The following GNG4 variants were observed in gnomAD, a reference collection of about 807,000 sequenced individuals.
GNG4 encodes the protein guanine nucleotide-binding protein G(I)/G(S)/G(O) subunit gamma-4.
GNG4 carries 4 observed loss-of-function variants against 5.8 expected under a neutral mutation model. The observed-to-expected ratio is 0.69, with a 90% CI of 0.34 to 1.57. The LOEUF is 1.57. Ranked by LOEUF, GNG4 falls within the 40% of genes most tolerant of loss-of-function variation. The pLI, the probability that GNG4 is intolerant of heterozygous loss-of-function variation, is 0.06. For synonymous variants in GNG4, 29 were observed against 32.9 expected (o/e 0.88, Z 0.41); for missense variants, 96 against 95.1 (o/e 1.01, Z -0.04).
chr1:235,631,151 G>A (rs907645221), intron 1 of GNG4, among the ~76,000 whole-genome samples: 3 of 152,016 alleles, frequency 2.0e-5, no homozygotes, highest in Non-Finnish European at 4.4e-5. Flanking sequence ...CGCCCTCCTC[G>A]GCCTCCCAAA....
chr1:235,649,629 G>A lies in GNG4; in HGVS notation c.-123+33C>T, dbSNP rs947780019. The A allele has an allele frequency of 6.6e-6, 1 of 152,160 alleles. No individual in the cohort carries two copies. The highest frequency in any genetic ancestry group is 2.4e-5 in the African/African-American group (1 of 41,438). The allele number at this position is 152,160 out of a possible 1,614,324, so 9.4% of individuals were successfully genotyped here. On this transcript the variant is annotated intron_variant, in intron 1 of 3. Coordinates refer to ENST00000391854, the MANE Select transcript of GNG4 (RefSeq NM_001098722.2). This position sits in a 1 kb window ranked among gnomAD's most constrained non-coding sequence, Gnocchi z 5.7. Reference sequence around the variant, plus strand: ...TGCACCGGGCTGGGCTCTCCCCGCGGACACCCGGGGCTCCGGCCGGGCGCC... The same window carrying A: ...TGCACCGGGCTGGGCTCTCCCCGCGAACACCCGGGGCTCCGGCCGGGCGCC...
At chr1:235,565,039 C>A (rs1362633995) in intron 3 of GNG4, among the ~76,000 whole-genome samples, 1 of 152,192 alleles carries the variant, frequency 6.6e-6, no homozygotes. Flanking sequence ...TTCTTTCCTA[C>A]CATGCCATCC....
At chr1:235,598,214 T>C (rs1688171119) in intron 1 of GNG4, among the ~76,000 whole-genome samples, 1 of 152,246 alleles carries the variant, frequency 6.6e-6, no homozygotes. Flanking sequence ...CTTAGAGTTC[T>C]GTCTTAGCTC....
intron 1 of GNG4, among the ~76,000 whole-genome samples, chr1:235,620,442 C>T (rs1688686130): frequency 6.6e-6 from 1 of 152,252 alleles, no homozygotes; most frequent in African/African-American, 2.4e-5. Flanking sequence ...GGGCTGGAGA[C>T]AGTCATATTA....
At chr1:235,625,286 A>C (rs1688787720) in intron 1 of GNG4, among the ~76,000 whole-genome samples, 1 of 152,208 alleles carries the variant, frequency 6.6e-6, no homozygotes, top group Non-Finnish European at 1.5e-5. Flanking sequence ...TTTATTTTTT[A>C]GAGCAGTTTT....
chr1:235,593,957 G>T (rs1486385319), intron 2 of GNG4, among the ~76,000 whole-genome samples: 2 of 152,182 alleles, frequency 1.3e-5, no homozygotes, highest in Non-Finnish European at 2.9e-5. Context: ...GGCGCGGGCA[G>T]CCTGCTTTTA....
chr1:235,639,647 G>A (rs538351868), intron 1 of GNG4, among the ~76,000 whole-genome samples: 1 of 152,212 alleles, frequency 6.6e-6, no homozygotes, highest in South Asian at 2.1e-4. Flanking sequence ...GGGTTCAGGC[G>A]ATTCTCCTGC....
intron 3 of GNG4, among the ~76,000 whole-genome samples, chr1:235,570,896 ATGTGTGTGTGTG>A (rs201379503): frequency 7.8e-6 from 1 of 127,640 alleles, no homozygotes. Context: ...GTATGTATAT[ATGTGTGTGTGTG>A]TATACATATA....
rs767002055 is a variant in GNG4 at position 235,642,001 on chromosome 1, A to G, written c.-123+7661T>C. On this transcript the variant is annotated intron_variant, in intron 1 of 3. Transcript: ENST00000391854. This position sits in a 1 kb window ranked among gnomAD's most constrained non-coding sequence, Gnocchi z 4.3. Reference sequence around the variant, plus strand: ...ATTCCTCCACCGTAACAGAACTTCCATGAGGGCGGGGATTTTTCGCTTCCC... The same window carrying G: ...ATTCCTCCACCGTAACAGAACTTCCGTGAGGGCGGGGATTTTTCGCTTCCC... Among the ~76,000 whole-genome samples, 3 of 152,192 alleles carry G rather than the reference A, an allele frequency of 2.0e-5. No individual in the cohort carries two copies. The highest frequency in any genetic ancestry group is 4.4e-5 in the Non-Finnish European group (3 of 68,032).
At chr1:235,625,714 A>T (rs1688796330) in intron 1 of GNG4, among the ~76,000 whole-genome samples, 1 of 152,026 alleles carries the variant, frequency 6.6e-6, no homozygotes, top group Non-Finnish European at 1.5e-5. Flanking sequence ...GATTTCTTTC[A>T]CTCAGCAATA....
rs1369038882 is a variant in GNG4 at position 235,595,511 on chromosome 1, C to T, written c.-122G>A. ...ATTCAGAGCTTCTGCTTTGAGGTCA[C>T]CTGAAAGCACAACCAGAGACATGTC... On this transcript the variant is annotated splice_region_variant and 5_prime_UTR_variant, in exon 2 of 4. In the 5' UTR this introduces an upstream ATG that the reference lacks. Coordinates refer to ENST00000391854, the MANE Select transcript of GNG4 (RefSeq NM_001098722.2). 1 of 152,220 alleles carries T rather than the reference C, an allele frequency of 6.6e-6. No individual in the cohort carries two copies. Among genetic ancestry groups the T allele is most frequent in the African/African-American group, 2.4e-5 (1 of 41,422 alleles). The allele number at this position is 152,220 out of a possible 1,614,324, so 9.4% of individuals were successfully genotyped here.
At chr1:235,568,893 C>A (rs1257845715) in intron 3 of GNG4, among the ~76,000 whole-genome samples, 1 of 150,404 alleles carries the variant, frequency 6.6e-6, no homozygotes, top group African/African-American at 2.5e-5. Flanking sequence ...GTGGTGTGAT[C>A]CCGGCTCACT....
At position 235,631,786 on chromosome 1, in the gene GNG4, TTG is replaced by T. The variant is rs1176942898; in HGVS notation, c.-123+17874_-123+17875del. On this transcript the variant is annotated intron_variant, in intron 1 of 3. Transcript: ENST00000391854. Reference sequence around the variant, plus strand: ...TTTCACCATGTTGGCCAGGCTGGTCTTGAACTCCTGACCTCAGGTGATCCACC... The same window carrying T: ...TTTCACCATGTTGGCCAGGCTGGTCTAACTCCTGACCTCAGGTGATCCACC... 2.1e-3 allele frequency among the ~76,000 whole-genome samples: 318 copies of T among 152,286 alleles called. 3 individuals carry two copies. The highest frequency in any genetic ancestry group is 0.018 in the Admixed American group (277 of 15,298).
chr1:235,594,202 T>C (rs1483869017), intron 2 of GNG4, among the ~76,000 whole-genome samples: 10 of 152,160 alleles, frequency 6.6e-5, no homozygotes, highest in Admixed American at 6.6e-5. Flanking sequence ...AGAGTGTCGA[T>C]TGATGCATTC....
At chr1:235,605,889 A>G (rs1688345973) in intron 1 of GNG4, among the ~76,000 whole-genome samples, 1 of 150,984 alleles carries the variant, frequency 6.6e-6, no homozygotes, top group African/African-American at 2.4e-5. Flanking sequence ...GTGTCATCAA[A>G]TGAAGGGTTA....
chr1:235,619,140 A>G (rs1445899645), intron 1 of GNG4, among the ~76,000 whole-genome samples: 2 of 133,710 alleles, frequency 1.5e-5, no homozygotes, highest in African/African-American at 5.9e-5. Flanking sequence ...CTCTAAAAAA[A>G]AAAAAAAAAA....
intron 2 of GNG4, among the ~76,000 whole-genome samples, chr1:235,587,504 T>TGGGA (rs2102946347): frequency 8.1e-5 from 1 of 12,358 alleles, no homozygotes; most frequent in African/African-American, 4.0e-4. Flanking sequence ...TGGGGGTGTG[T>TGGGA]GAATGTGAGG....
At chr1:235,558,522 T>C (rs1054914142) in intron 3 of GNG4, among the ~76,000 whole-genome samples, 1 of 152,206 alleles carries the variant, frequency 6.6e-6, no homozygotes, top group Non-Finnish European at 1.5e-5. Flanking sequence ...AGGTATTAAT[T>C]AACCTGAGTC....
rs1688233584 is a variant in GNG4, at chr1:235,600,424, G to GTGTGTGTGTGTGTGTATA, written c.-122-4931_-122-4914dup. The stretch of plus-strand genomic sequence containing the variant: ...GCCATGGCGCCTGGCTTTTGTGTGT[G>GTGTGTGTGTGTGTGTATA]TGTGTGTGTGTGTGTATATGTGTGT... On this transcript the variant is annotated intron_variant, in intron 1 of 3. Transcript: ENST00000391854. Among the ~76,000 whole-genome samples, 7 of 99,080 alleles carry GTGTGTGTGTGTGTGTATA rather than the reference G, an allele frequency of 7.1e-5. No homozygotes were observed. The South Asian group carries it at 1.8e-3, about 25-fold the overall frequency. The allele number at this position is 99,080 out of a possible 152,430, so 65.0% of individuals were successfully genotyped here. A position where few individuals can be genotyped will look rare whatever the true frequency, so the allele number is the denominator to read the frequency against.
Sources: allele counts gnomAD v4.1 joint callset (sites outside exome capture counted in the v4.1 genomes callset), GRCh38; gene constraint gnomAD v4.1.1; non-coding constraint Gnocchi (gnomAD v3.1); transcripts MANE v1.5; gene names NCBI Gene and HGNC (gene_info 2026-07-23, HGNC 2026-07-21).